Variants in FOXJ3 observed in about 807,000 individuals in gnomAD.
The protein encoded by FOXJ3 is forkhead box protein J3.
In FOXJ3, 22 loss-of-function variants were observed where a neutral mutation model predicts 76.1. That is an observed-to-expected ratio of 0.29 (90% CI 0.21 to 0.41). The LOEUF is 0.41. Ranked by LOEUF, FOXJ3 falls within the 10% of genes least tolerant of loss-of-function variation. FOXJ3 has a pLI of 1.00. For synonymous variants in FOXJ3, 269 were observed against 261.2 expected (o/e 1.03, Z -0.29); for missense variants, 613 against 762.1 (o/e 0.80, Z 2.30).
At chr1:42,248,672 C>G (rs1268612728) in intron 4 of FOXJ3, among the ~76,000 whole-genome samples, 2 of 150,558 alleles carry the variant, frequency 1.3e-5, no homozygotes, top group Non-Finnish European at 2.9e-5. Flanking sequence ...CAAAAGTCAC[C>G]TTTCACAAAG....
chr1:42,220,423 C>T (rs1295469513), intron 5 of FOXJ3, among the ~76,000 whole-genome samples: 1 of 152,162 alleles, frequency 6.6e-6, no homozygotes, highest in Non-Finnish European at 1.5e-5. Flanking sequence ...GGTCTGAAAA[C>T]ACACTCCACC....
intron 1 of FOXJ3, among the ~76,000 whole-genome samples, chr1:42,313,518 A>T (rs1383120766): frequency 6.6e-6 from 1 of 152,172 alleles, no homozygotes; most frequent in Non-Finnish European, 1.5e-5. Flanking sequence ...CATAACTAAA[A>T]ATCACAAAAC....
intron 2 of FOXJ3, among the ~76,000 whole-genome samples, chr1:42,302,284 A>G (rs1654199122): frequency 1.3e-5 from 2 of 152,246 alleles, no homozygotes; most frequent in Admixed American, 1.3e-4. Flanking sequence ...TGGCACTCAC[A>G]GGTTAAGAGC....
At chr1:42,187,674 A>AGG (rs906630713) in intron 11 of FOXJ3, among the ~76,000 whole-genome samples, 1 of 152,182 alleles carries the variant, frequency 6.6e-6, no homozygotes, top group Non-Finnish European at 1.5e-5. Context: ...AACTAACAAA[A>AGG]GGAGAGAGAG....
chr1:42,197,087 A>C (rs1646665668), intron 7 of FOXJ3, among the ~76,000 whole-genome samples: 1 of 152,184 alleles, frequency 6.6e-6, no homozygotes, highest in South Asian at 2.1e-4. Context: ...ATATCAAGGA[A>C]CGTCTTTCTC....
chr1:42,332,921 A>G (rs1656246416), intron 1 of FOXJ3, among the ~76,000 whole-genome samples: 1 of 152,204 alleles, frequency 6.6e-6, no homozygotes, highest in Non-Finnish European at 1.5e-5. Context: ...ATGCAGTTTG[A>G]TAATTCTGAA....
At chr1:42,203,887 T>C (rs1646810198) in intron 6 of FOXJ3, among the ~76,000 whole-genome samples, 1 of 151,800 alleles carries the variant, frequency 6.6e-6, no homozygotes, top group African/African-American at 2.4e-5. Flanking sequence ...TCCCAGCTAC[T>C]TGGGAGGCTG....
At chr1:42,185,823 C>G (rs1646424292) in intron 11 of FOXJ3, among the ~76,000 whole-genome samples, 1 of 152,046 alleles carries the variant, frequency 6.6e-6, no homozygotes, top group Non-Finnish European at 1.5e-5. Flanking sequence ...CTCCCCTTCC[C>G]CCTTCCACAC....
At chr1:42,227,308 A>T (rs1433487519) in intron 5 of FOXJ3, among the ~76,000 whole-genome samples, 1 of 152,262 alleles carries the variant, frequency 6.6e-6, no homozygotes, top group Non-Finnish European at 1.5e-5. Flanking sequence ...GACGGCAGTC[A>T]AAGTGCTGAC....
At chr1:42,305,299 G>A (rs755624797) in intron 2 of FOXJ3, among the ~76,000 whole-genome samples, 1 of 152,106 alleles carries the variant, frequency 6.6e-6, no homozygotes, top group Non-Finnish European at 1.5e-5. Flanking sequence ...ACTGTTGGTG[G>A]GAATGTGTAT....
intron 11 of FOXJ3, among the ~76,000 whole-genome samples, chr1:42,188,403 A>G (rs1309235738): frequency 6.6e-6 from 1 of 152,222 alleles, no homozygotes; most frequent in Non-Finnish European, 1.5e-5. Flanking sequence ...GTACAAATTT[A>G]AATATAATTT....
intron 3 of FOXJ3, among the ~76,000 whole-genome samples, chr1:42,269,472 T>G (rs1570112575): frequency 6.6e-6 from 1 of 152,176 alleles, no homozygotes; most frequent in Admixed American, 6.5e-5. Flanking sequence ...TTTTCATTTC[T>G]ACATCTGCTG....
chr1:42,326,112 G>A (rs976627778), intron 1 of FOXJ3, among the ~76,000 whole-genome samples: 8 of 152,144 alleles, frequency 5.3e-5, no homozygotes, highest in Admixed American at 2.0e-4. Context: ...TTAGCCAGGC[G>A]TGATGGCAGG....
intron 2 of FOXJ3, among the ~76,000 whole-genome samples, chr1:42,280,900 T>C (rs929978663): frequency 2.6e-5 from 4 of 152,356 alleles, no homozygotes; most frequent in African/African-American, 7.2e-5. Context: ...AAAGATTGGC[T>C]ATTTTATACC....
chr1:42,248,283 C>G (rs568952811), intron 4 of FOXJ3, among the ~76,000 whole-genome samples: 1 of 152,002 alleles, frequency 6.6e-6, no homozygotes, highest in Non-Finnish European at 1.5e-5. Context: ...GCCTGTAATC[C>G]CAGCACTTTG....
At chr1:42,198,805 T>C (rs550961992) in intron 7 of FOXJ3, among the ~76,000 whole-genome samples, 1 of 152,334 alleles carries the variant, frequency 6.6e-6, no homozygotes, top group East Asian at 1.9e-4. Flanking sequence ...ATTGCTCTAC[T>C]AAACTAAAGT....
intron 4 of FOXJ3, among the ~76,000 whole-genome samples, chr1:42,236,005 C>T (rs905289338): frequency 6.6e-6 from 1 of 152,214 alleles, no homozygotes; most frequent in Middle Eastern, 3.4e-3. Context: ...GAAGCAGTTA[C>T]CTTTGCTCTT....
At chr1:42,273,674 C>CAAAAAAAAA (rs35528514) in intron 3 of FOXJ3, among the ~76,000 whole-genome samples, 1 of 86,368 alleles carries the variant, frequency 1.2e-5, no homozygotes, top group Admixed American at 1.5e-4. Flanking sequence ...CACTCCATCT[C>CAAAAAAAAA]AAAAAAAAAA....
intron 1 of FOXJ3, among the ~76,000 whole-genome samples, chr1:42,321,764 C>CGTCA (rs1193636404): frequency 4.6e-5 from 7 of 151,980 alleles, no homozygotes; most frequent in African/African-American, 1.7e-4. Flanking sequence ...AACTGAGTGA[C>CGTCA]AGGCCAAAAA....
Sources: gnomAD v4.1 joint callset for allele counts (sites outside exome capture counted in the v4.1 genomes callset) on GRCh38, gnomAD v4.1.1 for gene constraint, MANE v1.5 for transcripts, NCBI Gene and HGNC (gene_info 2026-07-23, HGNC 2026-07-21) for gene names.